CYP27C1: variants seen among roughly 807,000 people sequenced by gnomAD.
The protein encoded by CYP27C1 is cytochrome P450 family 27 subfamily C member 1, also known as cytochrome P450 27C1.
Under a neutral mutation model 40.6 loss-of-function variants are expected in CYP27C1, and 29 were observed. The observed-to-expected ratio is 0.71, with a 90% confidence interval of 0.53 to 0.97. CYP27C1 has a LOEUF of 0.97. Among genes scored for constraint, CYP27C1 ranks in the 50% least tolerant of loss-of-function variants. The pLI, the probability that CYP27C1 is intolerant of heterozygous loss-of-function variation, is 0.00. For missense variants in CYP27C1, 390 were observed against 485.8 expected (o/e 0.80, Z 1.85); for synonymous variants, 198 against 186.8 (o/e 1.06, Z -0.49).
intron 1 of CYP27C1, among the ~76,000 whole-genome samples, chr2:127,210,162 G>T (rs1458013794): frequency 1.3e-5 from 2 of 152,326 alleles, no homozygotes; most frequent in African/African-American, 4.8e-5. Context: ...ACTAACAGTG[G>T]ATCTCTCAGC....
At chr2:127,205,790 G>C (rs971488907) in intron 2 of CYP27C1, 110 bp downstream of exon 2, 33 of 981,984 alleles carry the variant, frequency 3.4e-5, no homozygotes, top group Non-Finnish European at 4.0e-5. Flanking sequence ...TCCATGGGGG[G>C]GTTCTGTGCT....
chr2:127,207,731 T>C (rs1003679155), intron 1 of CYP27C1, among the ~76,000 whole-genome samples: 1 of 151,972 alleles, frequency 6.6e-6, no homozygotes, highest in Admixed American at 6.6e-5. Context: ...AAACCTATAC[T>C]CTGAAAACTA....
rs200607857 is a variant in CYP27C1, at chr2:127,204,626, A to AAAGAAAGAAAGAC, written c.474-1056_474-1055insGTCTTTCTTTCTT. Among the ~76,000 whole-genome samples the AAAGAAAGAAAGAC allele has an allele frequency of 2.0e-3, 78 of 38,908 alleles. 2 individuals carry two copies. Among genetic ancestry groups the AAAGAAAGAAAGAC allele is most frequent in the Admixed American group, 7.5e-3 (23 of 3,050 alleles). The allele number at this position is 38,908 out of a possible 152,430, so 25.5% of individuals were successfully genotyped here. ...GAAAGAAAGAAAGAAAGAAAGAAAG[A>AAAGAAAGAAAGAC]AGACTGCAGCTTGTTACCAGGGTGT... On this transcript the variant is annotated intron_variant, in intron 2 of 8. Coordinates refer to ENST00000664447, the MANE Select transcript of CYP27C1 (RefSeq NM_001367502.1).
chr2:127,199,332 G>T (rs775697983), intron 5 of CYP27C1, 44 bp downstream of exon 5: 2 of 1,603,578 alleles, frequency 1.2e-6, no homozygotes, highest in South Asian at 1.1e-5. Context: ...ATGAGGAAGG[G>T]GTTATCGTGT....
intron 5 of CYP27C1, among the ~76,000 whole-genome samples, chr2:127,197,821 A>G (rs1346117989): frequency 6.6e-6 from 1 of 151,962 alleles, no homozygotes; most frequent in Admixed American, 6.6e-5. Context: ...TATTAATTGT[A>G]TCATATTACA....
intron 1 of CYP27C1, among the ~76,000 whole-genome samples, chr2:127,217,069 T>C (rs1394766703): frequency 3.3e-5 from 5 of 152,192 alleles, no homozygotes; most frequent in Non-Finnish European, 7.3e-5. Context: ...TAACAAGAAC[T>C]ACTGGGAAAT....
intron 1 of CYP27C1, among the ~76,000 whole-genome samples, chr2:127,215,779 A>T (rs555815361): frequency 2.0e-5 from 3 of 152,044 alleles, no homozygotes; most frequent in South Asian, 4.2e-4. Context: ...CTGATAAGGG[A>T]CTTGTACCCA....
chr2:127,216,630 A>T (rs1348025942), intron 1 of CYP27C1, among the ~76,000 whole-genome samples: 2 of 152,158 alleles, frequency 1.3e-5, no homozygotes, highest in Non-Finnish European at 2.9e-5. Context: ...GACTGCGGTG[A>T]TGGTTGTATA....
rs1052108828 is a variant in CYP27C1, at chr2:127,184,671, C to T, written c.*2600G>A. ...AGGTTATCCGCCCGCCTTGGCCTCC[C>T]AAAGTGCTGGGATTACAGGCATGAG... On this transcript the variant is annotated 3_prime_UTR_variant, in exon 9 of 9. Transcript: ENST00000664447. The T allele has an allele frequency of 6.6e-6, 1 of 152,318 alleles. No individual in the cohort carries two copies. The highest frequency in any genetic ancestry group is 1.5e-5 in the Non-Finnish European group (1 of 68,136). The allele number at this position is 152,318 out of a possible 1,614,324, so 9.4% of individuals were successfully genotyped here.
intron 4 of CYP27C1, among the ~76,000 whole-genome samples, chr2:127,199,822 A>G (rs557520805): frequency 3.9e-5 from 6 of 152,364 alleles, no homozygotes; most frequent in African/African-American, 1.2e-4. Flanking sequence ...CAAATAAATT[A>G]TTTATATAAT....
intron 8 of CYP27C1, among the ~76,000 whole-genome samples, chr2:127,192,614 T>C (rs1031637599): frequency 7.7e-5 from 6 of 78,138 alleles, no homozygotes; most frequent in Admixed American, 5.5e-4. Context: ...CCACTGTGCC[T>C]TTCCCGGGGG....
At chr2:127,203,742 G>A (rs1308622621) in intron 2 of CYP27C1, among the ~76,000 whole-genome samples, 171 bp from the exon 3 acceptor site, 1 of 152,100 alleles carries the variant, frequency 6.6e-6, no homozygotes, top group African/African-American at 2.4e-5. Flanking sequence ...GTTAATAACT[G>A]CAGCCCTGGA....
At chr2:127,197,066 A>G (rs967110028) in intron 5 of CYP27C1, among the ~76,000 whole-genome samples, 9 of 152,220 alleles carry the variant, frequency 5.9e-5, no homozygotes, top group Non-Finnish European at 1.2e-4. Flanking sequence ...GCTAAAAGGA[A>G]CAGCTTCCTT....
In CYP27C1 at chr2:127,201,007, G is replaced by T; in HGVS notation, c.883+115C>A. 9.6e-7 allele frequency: 1 copy of T among 1,037,852 alleles called. No homozygotes were observed. Among genetic ancestry groups the T allele is most frequent in the South Asian group, 1.5e-5 (1 of 64,556 alleles). The allele number at this position is 1,037,852 out of a possible 1,614,324, so 64.3% of individuals were successfully genotyped here. On this transcript the variant is annotated intron_variant, in intron 4 of 8. Coordinates refer to ENST00000664447, the MANE Select transcript of CYP27C1 (RefSeq NM_001367502.1). The surrounding 1 kb of genome is among the most constrained non-coding windows in gnomAD (Gnocchi z 6.0). ...AAGTTATGGGTCCAAAAACTAACACGTGACTACATCTAGGCATCCTCTGCT... is the reference window on the plus strand; with the variant it reads ...AAGTTATGGGTCCAAAAACTAACACTTGACTACATCTAGGCATCCTCTGCT...
intron 1 of CYP27C1, among the ~76,000 whole-genome samples, chr2:127,214,652 T>TAGGGGAATAACAC (rs1683392623): frequency 6.6e-6 from 1 of 151,638 alleles, no homozygotes; most frequent in Non-Finnish European, 1.5e-5. Flanking sequence ...GGGAATAACA[T>TAGGGGAATAACAC]ACACCAGGGC....
At chr2:127,204,572 A>AG (rs1683172374) in intron 2 of CYP27C1, among the ~76,000 whole-genome samples, 1 of 78,494 alleles carries the variant, frequency 1.3e-5, no homozygotes, top group East Asian at 4.4e-4. Flanking sequence ...AAAGAAAGAA[A>AG]GAAAGAAAGA....
intron 1 of CYP27C1, among the ~76,000 whole-genome samples, chr2:127,211,387 T>TG (rs1558933924): frequency 2.4e-5 from 3 of 122,464 alleles, no homozygotes; most frequent in African/African-American, 8.6e-5. Context: ...TTTTTTTTTT[T>TG]TTTTTTTTTT....
chr2:127,219,954 C>T lies in CYP27C1; in HGVS notation c.282+35G>A, dbSNP rs1428929766. ...CGCCGTCAGCCTTCTGGGCAGCAGC[C>T]CGGGCTGGCTCCCTCCCGGGGCGGC... On this transcript the variant is annotated intron_variant, in intron 1 of 8. Coordinates refer to ENST00000664447, the MANE Select transcript of CYP27C1 (RefSeq NM_001367502.1). This position sits in a 1 kb window ranked among gnomAD's most constrained non-coding sequence, Gnocchi z 8.7. 1 of 152,244 alleles carries T rather than the reference C, an allele frequency of 6.6e-6. No homozygotes were observed. The highest frequency in any genetic ancestry group is 1.9e-4 in the East Asian group (1 of 5,178). The allele number at this position is 152,244 out of a possible 1,614,324, so 9.4% of individuals were successfully genotyped here. A position where few individuals can be genotyped will look rare whatever the true frequency, so the allele number is the denominator to read the frequency against.
chr2:127,215,186 T>G (rs1173752427), intron 1 of CYP27C1, among the ~76,000 whole-genome samples: 1 of 151,022 alleles, frequency 6.6e-6, no homozygotes, highest in African/African-American at 2.4e-5. Flanking sequence ...AGTGCAGTAA[T>G]GGCATAATCA....
Sources: allele counts gnomAD v4.1 joint callset (sites outside exome capture counted in the v4.1 genomes callset), GRCh38; gene constraint gnomAD v4.1.1; non-coding constraint Gnocchi (gnomAD v3.1); transcripts MANE v1.5; gene names NCBI Gene and HGNC (gene_info 2026-07-23, HGNC 2026-07-21).